MECOM: variants seen among roughly 807,000 people sequenced by gnomAD.
The protein encoded by MECOM is histone-lysine N-methyltransferase MECOM.
A neutral mutation model predicts 116.3 loss-of-function variants in MECOM; 13 were observed. That is an observed-to-expected ratio of 0.11 (90% CI 0.07 to 0.18). The LOEUF (loss-of-function observed/expected upper bound fraction) is 0.18, where lower values mean the gene tolerates loss of function less well. MECOM is among the 10% of genes least tolerant of loss of function. MECOM has a pLI of 1.00. For missense variants in MECOM, 1,299 were observed against 1,509.0 expected (o/e 0.86, Z 2.31); for synonymous variants, 528 against 535.2 (o/e 0.99, Z 0.19).
intron 1 of MECOM, chr3:169,484,084 T>C (rs946255263): frequency 1.1e-6 from 1 of 903,854 alleles, no homozygotes; most frequent in Non-Finnish European, 1.7e-6. Flanking sequence ...TTTAAAATAA[T>C]CTATTGTTAT....
At chr3:169,132,029 G>T (rs1004172189) in intron 3 of MECOM, 3 of 935,610 alleles carry the variant, frequency 3.2e-6, no homozygotes, top group African/African-American at 1.8e-5. Context: ...TGACATAAAG[G>T]ATCATGACAA....
intron 1 of MECOM, among the ~76,000 whole-genome samples, chr3:169,558,750 C>T (rs978103199): frequency 1.2e-4 from 19 of 152,086 alleles, no homozygotes; most frequent in African/African-American, 4.6e-4. Context: ...AAATCAGTAA[C>T]TACAAAGAAA....
chr3:169,343,336 T>G (rs1004438835), intron 2 of MECOM, among the ~76,000 whole-genome samples: 6 of 152,084 alleles, frequency 3.9e-5, no homozygotes, highest in African/African-American at 1.4e-4. Context: ...GCTTCAGAGT[T>G]TTGCCAGGAG....
At chr3:169,194,320 G>A (rs944593373) in intron 2 of MECOM, among the ~76,000 whole-genome samples, 9 of 151,990 alleles carry the variant, frequency 5.9e-5, no homozygotes, top group Middle Eastern at 3.2e-3. Flanking sequence ...GTTGTGGGGT[G>A]GGGGGAGTAG....
intron 1 of MECOM, among the ~76,000 whole-genome samples, chr3:169,440,947 A>G (rs1052289441): frequency 6.6e-5 from 10 of 152,222 alleles, no homozygotes; most frequent in African/African-American, 2.4e-4. Flanking sequence ...TTAAAGGCAC[A>G]GAGGCCAGCT....
intron 1 of MECOM, among the ~76,000 whole-genome samples, chr3:169,592,007 T>C (rs1204341693): frequency 2.0e-5 from 3 of 152,232 alleles, no homozygotes; most frequent in African/African-American, 7.2e-5. Flanking sequence ...ATGATGTGGC[T>C]GTTTACACTT....
chr3:169,455,742 G>A (rs966348818), intron 1 of MECOM, among the ~76,000 whole-genome samples: 4 of 152,182 alleles, frequency 2.6e-5, no homozygotes, highest in African/African-American at 9.7e-5. Flanking sequence ...TCAATGCACA[G>A]CCCCTTCCAC....
intron 2 of MECOM, among the ~76,000 whole-genome samples, chr3:169,355,841 T>C (rs1379324296): frequency 6.6e-6 from 1 of 151,892 alleles, no homozygotes; most frequent in Admixed American, 6.6e-5. Flanking sequence ...TCTTTTTTTT[T>C]TCCAATTTTA....
At chr3:169,393,261 C>A (rs1577964363) in intron 1 of MECOM, among the ~76,000 whole-genome samples, 1 of 152,220 alleles carries the variant, frequency 6.6e-6, no homozygotes, top group Non-Finnish European at 1.5e-5. Context: ...GAGGACTGGC[C>A]AGAGCACCCT....
chr3:169,428,628 T>G (rs1741115522), intron 1 of MECOM, among the ~76,000 whole-genome samples: 1 of 152,218 alleles, frequency 6.6e-6, no homozygotes, highest in Non-Finnish European at 1.5e-5. Flanking sequence ...ATATAAATCT[T>G]AAAATTTGTT....
chr3:169,402,749 C>T (rs931155755), intron 1 of MECOM, among the ~76,000 whole-genome samples: 1 of 152,134 alleles, frequency 6.6e-6, no homozygotes, highest in Non-Finnish European at 1.5e-5. Flanking sequence ...AAACTTCATG[C>T]TTGACATTAG....
At chr3:169,156,786 A>G (rs1742060258) in intron 2 of MECOM, among the ~76,000 whole-genome samples, 1 of 152,228 alleles carries the variant, frequency 6.6e-6, no homozygotes, top group African/African-American at 2.4e-5. Flanking sequence ...TTTTCTTAAT[A>G]AGATTTGGCA....
At chr3:169,326,258 A>T (rs1721811270) in intron 2 of MECOM, among the ~76,000 whole-genome samples, 1 of 152,220 alleles carries the variant, frequency 6.6e-6, no homozygotes, top group Non-Finnish European at 1.5e-5. Context: ...AAGAGAAAAG[A>T]TGGATGCACT....
At chr3:169,260,372 C>T (rs370397300) in intron 2 of MECOM, among the ~76,000 whole-genome samples, 1 of 152,032 alleles carries the variant, frequency 6.6e-6, no homozygotes. Flanking sequence ...CTGCTTTGTG[C>T]TTGCATTAGA....
At chr3:169,605,689 G>A (rs1482735068) in intron 1 of MECOM, among the ~76,000 whole-genome samples, 1 of 152,140 alleles carries the variant, frequency 6.6e-6, no homozygotes, top group African/African-American at 2.4e-5. Flanking sequence ...ACCTATCTAG[G>A]TTGCCCTGAG....
At position 169,565,235 on chromosome 3, in the gene MECOM, G is replaced by A. The variant is rs149014748; in HGVS notation, c.37+98101C>T. Among the ~76,000 whole-genome samples the A allele has an allele frequency of 7.7e-3, 1,166 of 152,288 alleles. 22 individuals carry two copies. Among genetic ancestry groups the A allele is most frequent in the African/African-American group, 0.027 (1,115 of 41,556 alleles). On this transcript the variant is annotated intron_variant, in intron 1 of 16. Transcript: ENST00000651503. ...CTAGCAAGCACCAGGGGCAGGGGAG[G>A]CATTTGATAAATGTTTGTTGAATTG... is the stretch of plus-strand genomic sequence containing the variant.
chr3:169,559,880 C>A (rs1177789056), intron 1 of MECOM, among the ~76,000 whole-genome samples: 1 of 152,122 alleles, frequency 6.6e-6, no homozygotes, highest in African/African-American at 2.4e-5. Context: ...AATTAACTGA[C>A]TTGTAAAGGA....
At chr3:169,549,371 C>G (rs1270656856) in intron 1 of MECOM, among the ~76,000 whole-genome samples, 1 of 147,670 alleles carries the variant, frequency 6.8e-6, no homozygotes, top group African/African-American at 2.5e-5. Context: ...TTTGACCAAA[C>G]AGCATTAAAG....
rs76275025 is a variant in MECOM at position 169,200,892 on chromosome 3, T to C, written c.376-57060A>G. ...ACCATCATTCAAATTGTATATGTGA[T>C]AACTCTTCATCCCCAAAGACTTTCC... On this transcript the variant is annotated intron_variant, in intron 2 of 16. Coordinates refer to ENST00000651503, the MANE Select transcript of MECOM (RefSeq NM_004991.4). Among the ~76,000 whole-genome samples, 649 of 152,224 alleles carry C rather than the reference T, an allele frequency of 4.3e-3. 4 individuals are homozygous for C. Among genetic ancestry groups the C allele is most frequent in the African/African-American group, 0.015 (628 of 41,542 alleles).
Sources: gnomAD v4.1 joint callset for allele counts (sites outside exome capture counted in the v4.1 genomes callset) on GRCh38, gnomAD v4.1.1 for gene constraint, MANE v1.5 for transcripts, NCBI Gene and HGNC (gene_info 2026-07-23, HGNC 2026-07-21) for gene names.